Variants in RUNX1 observed in about 807,000 individuals in gnomAD.
The protein encoded by RUNX1 is runt-related transcription factor 1.
In RUNX1, 19 loss-of-function variants were observed where a neutral mutation model predicts 42.8. That is an observed-to-expected ratio of 0.44 (90% CI 0.31 to 0.65). The LOEUF (loss-of-function observed/expected upper bound fraction) is 0.65. Ranked by LOEUF, RUNX1 falls within the 30% of genes least tolerant of loss-of-function variation. The probability of loss-of-function intolerance (pLI) is 0.07; values close to 1 mark genes in which losing one functional copy is unlikely to be tolerated. For synonymous variants in RUNX1, 271 were observed against 289.4 expected (o/e 0.94, Z 0.64); for missense variants, 528 against 672.0 (o/e 0.79, Z 2.37).
intron 2 of RUNX1, among the ~76,000 whole-genome samples, chr21:34,979,371 G>A (rs979581231): frequency 6.6e-6 from 1 of 151,586 alleles, no homozygotes; most frequent in Non-Finnish European, 1.5e-5. Context: ...TCAAAGGTCA[G>A]TACCAAGGAT....
chr21:34,996,774 G>A (rs11911966), intron 2 of RUNX1, among the ~76,000 whole-genome samples: 3,863 of 151,930 alleles, frequency 0.025, 168 homozygotes, highest in African/African-American at 0.088. Context: ...TAATGTAGGC[G>A]TTCTGCAGCA....
intron 7 of RUNX1, among the ~76,000 whole-genome samples, chr21:34,799,741 T>G (rs751413501): frequency 1.3e-5 from 2 of 152,204 alleles, no homozygotes; most frequent in Non-Finnish European, 2.9e-5. Flanking sequence ...GATTACACTT[T>G]CAAGGTAGAA....
At chr21:34,856,928 A>G (rs1011279108) in intron 6 of RUNX1, among the ~76,000 whole-genome samples, 2 of 152,210 alleles carry the variant, frequency 1.3e-5, no homozygotes, top group Admixed American at 1.3e-4. Flanking sequence ...CTTACTATAG[A>G]AAGTTCCCAC....
chr21:34,918,975 T>C (rs2058333789), intron 2 of RUNX1, among the ~76,000 whole-genome samples: 1 of 152,232 alleles, frequency 6.6e-6, no homozygotes, highest in South Asian at 2.1e-4. Flanking sequence ...TATTTTGAGA[T>C]ATATCATAAT....
At chr21:34,826,434 C>CTT (rs772880673) in intron 7 of RUNX1, among the ~76,000 whole-genome samples, 2,937 of 105,246 alleles carry the variant, frequency 0.028, 186 homozygotes, top group South Asian at 0.075. Context: ...TTCTTTCTTT[C>CTT]TTTTTTTTTT....
intron 2 of RUNX1, among the ~76,000 whole-genome samples, chr21:35,046,097 G>A (rs2059394195): frequency 6.6e-6 from 1 of 152,204 alleles, no homozygotes; most frequent in African/African-American, 2.4e-5. Context: ...GGTTCGGCAA[G>A]AATTGTACGT....
intron 2 of RUNX1, among the ~76,000 whole-genome samples, chr21:34,945,875 A>G (rs909346262): frequency 3.9e-5 from 6 of 152,136 alleles, no homozygotes; most frequent in African/African-American, 1.4e-4. Context: ...CTCCAGTCCC[A>G]TGTCTTCATT....
chr21:34,813,353 G>A (rs1022219262), intron 7 of RUNX1, among the ~76,000 whole-genome samples: 2 of 152,154 alleles, frequency 1.3e-5, no homozygotes, highest in Admixed American at 1.3e-4. Context: ...ATGACAAGAC[G>A]GAAGATGTGA....
intron 2 of RUNX1, among the ~76,000 whole-genome samples, chr21:34,990,574 G>A (rs2058929239): frequency 6.6e-6 from 1 of 152,090 alleles, no homozygotes; most frequent in African/African-American, 2.4e-5. Context: ...GTTATATGAT[G>A]AACCACAGAG....
At chr21:34,893,435 A>G (rs1364226106) in intron 2 of RUNX1, among the ~76,000 whole-genome samples, 1 of 152,172 alleles carries the variant, frequency 6.6e-6, no homozygotes, top group Admixed American at 6.5e-5. Flanking sequence ...TAGGCAGGTA[A>G]ATTATTTACA....
intron 2 of RUNX1, among the ~76,000 whole-genome samples, chr21:34,899,102 TG>T (rs2058154808): frequency 6.6e-6 from 1 of 152,056 alleles, no homozygotes; most frequent in African/African-American, 2.4e-5. Context: ...TTTGTAAAGA[TG>T]GGGTTTCATC....
At position 34,903,952 on chromosome 21, in the gene RUNX1, A is replaced by T. The variant is rs185109457; in HGVS notation, c.59-10989T>A. 5.0e-3 allele frequency among the ~76,000 whole-genome samples: 762 copies of T among 152,302 alleles called. 4 individuals are homozygous for T. Among genetic ancestry groups the T allele is most frequent in the African/African-American group, 0.017 (693 of 41,576 alleles). On this transcript the variant is annotated intron_variant, in intron 2 of 8. Transcript: ENST00000675419. Reference sequence around the variant, plus strand: ...GTAATTATATTTTCTAAATTTCATGAAACTGCTAAGATCTGTATTGTAATG... The same window carrying T: ...GTAATTATATTTTCTAAATTTCATGTAACTGCTAAGATCTGTATTGTAATG...
intron 2 of RUNX1, among the ~76,000 whole-genome samples, chr21:34,918,783 G>A (rs553098513): frequency 6.6e-6 from 1 of 152,268 alleles, no homozygotes; most frequent in Admixed American, 6.5e-5. Flanking sequence ...TGGTGTGCCT[G>A]TAGTCCCAGC....
intron 2 of RUNX1, among the ~76,000 whole-genome samples, chr21:34,948,012 C>T (rs73900706): frequency 0.036 from 5,497 of 152,014 alleles, 329 homozygotes; most frequent in African/African-American, 0.13. Context: ...GTGGGTTTTC[C>T]GGGCTGCTGT....
intron 2 of RUNX1, among the ~76,000 whole-genome samples, chr21:34,905,610 C>CT (rs1355385270): frequency 6.6e-6 from 1 of 152,172 alleles, no homozygotes; most frequent in Admixed American, 6.5e-5. Context: ...ATTCTGTTAA[C>CT]TTGTCATCTT....
chr21:35,004,988 G>A (rs2059073520), intron 2 of RUNX1, among the ~76,000 whole-genome samples: 1 of 152,266 alleles, frequency 6.6e-6, no homozygotes, highest in East Asian at 1.9e-4. Context: ...TTCAATTTCT[G>A]TGCCACAGTT....
In RUNX1 at chr21:35,033,303, TG is replaced by T. The variant is rs1299738857; in HGVS notation, c.58+15538del. On this transcript the variant is annotated intron_variant, in intron 2 of 8. Coordinates refer to ENST00000675419, the MANE Select transcript of RUNX1 (RefSeq NM_001754.5). ...AGAACACACTCATAAACAGAAAAGC[TG>T]GAATTATGTTTTGGTAAGAGCAAAT... Among the ~76,000 whole-genome samples the T allele has an allele frequency of 2.0e-5, 3 of 152,348 alleles. No individual in the cohort carries two copies. The East Asian group carries it at 5.8e-4, about 29-fold the overall frequency.
intron 2 of RUNX1, among the ~76,000 whole-genome samples, chr21:35,030,772 C>T (rs1419906636): frequency 6.6e-6 from 1 of 152,044 alleles, no homozygotes; most frequent in African/African-American, 2.4e-5. Context: ...AAACATTCAA[C>T]AGAATAAAGA....
chr21:34,792,840 C>A lies in RUNX1; in HGVS notation c.968-230G>T, dbSNP rs2056468388. ...GGGACAGGGACCACCCAGGATGCCA[C>A]CTCCTGAGATGACGAGGATCACCCA... On this transcript the variant is annotated intron_variant, in intron 8 of 8. Coordinates refer to ENST00000675419, the MANE Select transcript of RUNX1 (RefSeq NM_001754.5). This position sits in a 1 kb window ranked among gnomAD's most constrained non-coding sequence, Gnocchi z 6.9. Among the ~76,000 whole-genome samples the A allele has an allele frequency of 6.6e-6, 1 of 151,036 alleles. No homozygotes were observed. Among genetic ancestry groups the A allele is most frequent in the Non-Finnish European group, 1.5e-5 (1 of 67,726 alleles).
Sources: gnomAD v4.1 joint callset for allele counts (sites outside exome capture counted in the v4.1 genomes callset) on GRCh38, gnomAD v4.1.1 for gene constraint, Gnocchi (gnomAD v3.1) non-coding constraint, MANE v1.5 for transcripts, NCBI Gene and HGNC (gene_info 2026-07-23, HGNC 2026-07-21) for gene names.